The following SOX5 variants were observed in gnomAD, a reference collection of about 807,000 sequenced individuals.
SOX5 encodes the protein transcription factor SOX-5.
A neutral mutation model predicts 92.0 loss-of-function variants in SOX5; 9 were observed. The ratio of observed to expected loss-of-function variants is 0.10; its 90% confidence interval spans 0.06 to 0.17. The LOEUF is 0.17. SOX5 is among the 10% of genes least tolerant of loss of function. The pLI is 1.00. For synonymous variants in SOX5, 344 were observed against 336.3 expected, an observed-to-expected ratio of 1.02 and a Z score of -0.25; for missense variants, 642 against 944.5, an observed-to-expected ratio of 0.68 and a Z score of 4.20.
At chr12:24,153,602 T>C (rs985101153) in intron 4 of SOX5, among the ~76,000 whole-genome samples, 1 of 152,152 alleles carries the variant, frequency 6.6e-6, no homozygotes, top group African/African-American at 2.4e-5. Context: ...CAACATCTTC[T>C]TTCCTGCATC....
intron 6 of SOX5, among the ~76,000 whole-genome samples, chr12:23,673,943 C>T (rs565539975): frequency 1.3e-5 from 2 of 151,636 alleles, no homozygotes; most frequent in Admixed American, 6.6e-5. Flanking sequence ...TAAAAAAAAA[C>T]CATAGCAAGT....
In SOX5 at chr12:24,104,657, A is replaced by C. The variant is rs1946471987; in HGVS notation, c.-2+108686T>G. On this transcript the variant is annotated intron_variant, in intron 4 of 4. Coordinates refer to the SOX5 transcript ENST00000446891. Reference sequence around the variant, plus strand: ...TCTACTATTCTGCTTTCCCATCAGTACATGCCAGTGAGGAGTGTGTGAGCC... The same window carrying C: ...TCTACTATTCTGCTTTCCCATCAGTCCATGCCAGTGAGGAGTGTGTGAGCC... Among the ~76,000 whole-genome samples, 2 of 152,224 alleles carry C rather than the reference A, an allele frequency of 1.3e-5. 1 individual carries two copies. The highest frequency in any genetic ancestry group is 4.1e-4 in the South Asian group (2 of 4,834).
chr12:24,482,458 C>A (rs1946092484), intron 1 of SOX5, among the ~76,000 whole-genome samples: 1 of 152,188 alleles, frequency 6.6e-6, no homozygotes, highest in Non-Finnish European at 1.5e-5. Context: ...GTTTTCCCCA[C>A]TACTATCACT....
chr12:23,678,539 A>T (rs960421198), intron 6 of SOX5, among the ~76,000 whole-genome samples: 4 of 152,158 alleles, frequency 2.6e-5, no homozygotes, highest in Admixed American at 2.6e-4. Flanking sequence ...GACGGACAAC[A>T]TGAATTCTTT....
chr12:23,769,669 A>G (rs962659487), intron 3 of SOX5, among the ~76,000 whole-genome samples: 1 of 152,202 alleles, frequency 6.6e-6, no homozygotes, highest in African/African-American at 2.4e-5. Context: ...GTTGAATTGT[A>G]TCTTCTGGGG....
chr12:24,358,130 C>T (rs1223160297), intron 2 of SOX5, among the ~76,000 whole-genome samples: 3 of 152,246 alleles, frequency 2.0e-5, no homozygotes, highest in African/African-American at 7.2e-5. Context: ...GCAACTGAAT[C>T]TGATTCTCTA....
In SOX5 at chr12:23,575,751, G is replaced by T. The variant is rs761652682; in HGVS notation, c.1252C>A (p.Pro418Thr). 6.2e-7 allele frequency: 1 copy of T among 1,613,752 alleles called. No individual in the cohort carries two copies. Among genetic ancestry groups the T allele is most frequent in the South Asian group, 1.1e-5 (1 of 91,018 alleles). ...GCCCCACTGTTTATTCTCAGAGCTG[G>T]CATATGGGGAGAGGTGGGTGATGTG... is the stretch of plus-strand genomic sequence containing the variant. ...SPTSPTSPHM[P>T]ALRINSGAGP... The change falls in exon 10 of 15, where the codon CCA becomes ACA. Residue 418 changes from proline to threonine, a missense_variant. By Grantham distance (38) the Pro-to-Thr change is conservative. Around this residue, in one of 8 missense-constraint regions of SOX5, gnomAD observed 324 missense variants for 461.6 expected, o/e 0.70. Coordinates refer to ENST00000451604, the MANE Select transcript of SOX5 (RefSeq NM_006940.6).
intron 9 of SOX5, among the ~76,000 whole-genome samples, chr12:23,588,746 CACA>C (rs1199760973): frequency 8.7e-6 from 1 of 115,388 alleles, no homozygotes; most frequent in African/African-American, 2.9e-5. Flanking sequence ...CACACACACA[CACA>C]CATATGTACA....
At chr12:23,595,776 T>G (rs1430634981) in intron 9 of SOX5, among the ~76,000 whole-genome samples, 3 of 152,154 alleles carry the variant, frequency 2.0e-5, no homozygotes. Flanking sequence ...AATAAGAACA[T>G]TGTGATATTA....
chr12:24,536,662 C>A (rs990618258), intron 1 of SOX5, among the ~76,000 whole-genome samples: 11 of 152,098 alleles, frequency 7.2e-5, no homozygotes, highest in African/African-American at 2.7e-4. Context: ...CAGAGCTCAC[C>A]CTAAAAGTAC....
chr12:24,052,025 A>C (rs1257859028), intron 4 of SOX5, among the ~76,000 whole-genome samples: 1 of 152,166 alleles, frequency 6.6e-6, no homozygotes, highest in African/African-American at 2.4e-5. Flanking sequence ...GTCACATACA[A>C]TCCTCTTAGC....
chr12:24,476,942 C>T (rs1407574010), intron 1 of SOX5, among the ~76,000 whole-genome samples: 3 of 135,860 alleles, frequency 2.2e-5, no homozygotes, highest in South Asian at 2.4e-4. Flanking sequence ...GAGGGAGGAC[C>T]GTTTGAGGCC....
intron 2 of SOX5, among the ~76,000 whole-genome samples, chr12:24,314,021 A>C (rs1949461787): frequency 6.6e-6 from 1 of 152,128 alleles, no homozygotes; most frequent in Non-Finnish European, 1.5e-5. Context: ...CAGTTGATGG[A>C]ATCTTTAAAT....
At chr12:23,828,490 A>G (rs2096266966) in intron 3 of SOX5, among the ~76,000 whole-genome samples, 1 of 152,210 alleles carries the variant, frequency 6.6e-6, no homozygotes, top group Admixed American at 6.5e-5. Flanking sequence ...TTTAGAATTT[A>G]CCTTATTTAT....
In SOX5 at chr12:23,530,452, A is replaced by G. The variant is rs1329421717; in HGVS notation, c.*3767T>C. ...ATCTATAAAATAGCTTCACCACAGA[A>G]AACTTTTTTATATTTGTTCTTTATA... On this transcript the variant is annotated 3_prime_UTR_variant, in exon 15 of 15. Transcript: ENST00000451604. The G allele has an allele frequency of 6.6e-6, 1 of 150,806 alleles. No homozygotes were observed. Among genetic ancestry groups the G allele is most frequent in the Non-Finnish European group, 1.5e-5 (1 of 67,788 alleles). 9.3% of individuals were successfully genotyped at this position (150,806 alleles called of 1,614,324 possible). A position where few individuals can be genotyped will look rare whatever the true frequency, so the allele number is the denominator to read the frequency against.
chr12:23,888,198 A>G (rs1272392334), intron 2 of SOX5, among the ~76,000 whole-genome samples: 1 of 152,138 alleles, frequency 6.6e-6, no homozygotes, highest in Non-Finnish European at 1.5e-5. Context: ...TTCATTGTAT[A>G]TATTTGAGTT....
intron 1 of SOX5, among the ~76,000 whole-genome samples, chr12:24,483,190 C>T (rs1258117823): frequency 6.6e-6 from 1 of 152,104 alleles, no homozygotes; most frequent in African/African-American, 2.4e-5. Flanking sequence ...TTAGGCTTTC[C>T]AAATCTTCCA....
chr12:24,556,545 G>A (rs572562681), intron 1 of SOX5, among the ~76,000 whole-genome samples: 84 of 152,254 alleles, frequency 5.5e-4, no homozygotes, highest in African/African-American at 1.9e-3. Context: ...TTATCCACAG[G>A]TACTATAACT....
chr12:24,422,812 A>G (rs1966137407), intron 1 of SOX5, among the ~76,000 whole-genome samples: 1 of 152,182 alleles, frequency 6.6e-6, no homozygotes, highest in African/African-American at 2.4e-5. Context: ...GGAGTTTGAG[A>G]CCAGCCTAGG....
Sources: allele counts gnomAD v4.1 joint callset (sites outside exome capture counted in the v4.1 genomes callset), GRCh38; gene constraint gnomAD v4.1.1; regional missense constraint gnomAD v4.1.1; transcripts MANE v1.5; gene names NCBI Gene and HGNC (gene_info 2026-07-23, HGNC 2026-07-21).